The following BICC1 variants were observed in gnomAD, a reference collection of about 807,000 sequenced individuals.
BICC1 encodes the protein BicC family RNA binding protein 1, also known as protein bicaudal C homolog 1.
Under a neutral mutation model 111.0 loss-of-function variants are expected in BICC1, and 43 were observed. The observed-to-expected ratio is 0.39, with a 90% confidence interval of 0.30 to 0.50. BICC1 has a LOEUF of 0.50. Ranked by LOEUF, BICC1 falls within the 20% of genes least tolerant of loss-of-function variation. The probability of loss-of-function intolerance (pLI) is 0.88; values close to 1 mark genes in which losing one functional copy is unlikely to be tolerated. For missense variants in BICC1, 1,091 were observed against 1,203.2 expected, an observed-to-expected ratio of 0.91 and a Z score of 1.38; for synonymous variants, 467 against 434.4, an observed-to-expected ratio of 1.07 and a Z score of -0.93.
chr10:58,616,555 A>G (rs1030392906), intron 1 of BICC1, among the ~76,000 whole-genome samples: 1 of 152,084 alleles, frequency 6.6e-6, no homozygotes, highest in Non-Finnish European at 1.5e-5. Context: ...GGAACACCAG[A>G]TGACTGGAGG....
chr10:58,525,817 G>C (rs1462054566), intron 1 of BICC1, among the ~76,000 whole-genome samples: 1 of 151,924 alleles, frequency 6.6e-6, no homozygotes, highest in Admixed American at 6.6e-5. Flanking sequence ...TTGAATTAGA[G>C]TTTATGTAGT....
At chr10:58,715,661 A>T in intron 3 of BICC1, 1 of 1,601,398 alleles carries the variant, frequency 6.2e-7, no homozygotes, top group Non-Finnish European at 8.5e-7. Flanking sequence ...ATCTGAATTG[A>T]CCAAGGCCTA....
At chr10:58,669,563 A>G (rs1839119056) in intron 2 of BICC1, among the ~76,000 whole-genome samples, 1 of 152,090 alleles carries the variant, frequency 6.6e-6, no homozygotes, top group African/African-American at 2.4e-5. Context: ...ATTGTATTTG[A>G]TAGTGGAAAT....
At chr10:58,526,698 G>A (rs548734071) in intron 1 of BICC1, among the ~76,000 whole-genome samples, 1 of 152,136 alleles carries the variant, frequency 6.6e-6, no homozygotes, top group Non-Finnish European at 1.5e-5. Context: ...CTGTCCTTGC[G>A]ATAGTTTGCT....
intron 15 of BICC1, among the ~76,000 whole-genome samples, chr10:58,804,771 T>C (rs1843659313): frequency 6.6e-6 from 1 of 152,110 alleles, no homozygotes; most frequent in African/African-American, 2.4e-5. Flanking sequence ...ACTCGATGTA[T>C]TTATGTTGTT....
intron 2 of BICC1, among the ~76,000 whole-genome samples, chr10:58,696,364 A>G (rs1204920425): frequency 1.3e-5 from 2 of 152,116 alleles, no homozygotes; most frequent in Non-Finnish European, 2.9e-5. Context: ...TACATCAACA[A>G]TCTTAATTTT....
At chr10:58,738,406 G>A (rs570191548) in intron 3 of BICC1, among the ~76,000 whole-genome samples, 57 of 152,084 alleles carry the variant, frequency 3.7e-4, no homozygotes, top group African/African-American at 1.1e-3. Flanking sequence ...GTAGATATGC[G>A]GCATTGTTTC....
intron 12 of BICC1, 85 bp from the exon 13 acceptor site, chr10:58,800,109 C>T: frequency 2.8e-6 from 3 of 1,067,514 alleles, no homozygotes; most frequent in Non-Finnish European, 1.3e-6. Context: ...TTTTTCGTGG[C>T]TGTTATAAAT....
At chr10:58,560,157 A>G (rs1389592460) in intron 1 of BICC1, among the ~76,000 whole-genome samples, 1 of 151,798 alleles carries the variant, frequency 6.6e-6, no homozygotes, top group Non-Finnish European at 1.5e-5. Context: ...GTTTTTTTAT[A>G]AGTTTGGTAG....
At chr10:58,641,900 T>G (rs1838134380) in intron 2 of BICC1, among the ~76,000 whole-genome samples, 1 of 152,210 alleles carries the variant, frequency 6.6e-6, no homozygotes. Flanking sequence ...GGAATGTGAA[T>G]CACAGCAGTA....
At chr10:58,730,196 C>CA (rs1162709624) in intron 3 of BICC1, among the ~76,000 whole-genome samples, 1 of 151,952 alleles carries the variant, frequency 6.6e-6, no homozygotes, top group African/African-American at 2.4e-5. Context: ...TAGAAAACAG[C>CA]AAAAAAGGGG....
intron 20 of BICC1, among the ~76,000 whole-genome samples, chr10:58,828,285 T>C (rs1485384113): frequency 1.3e-5 from 2 of 152,178 alleles, no homozygotes; most frequent in Admixed American, 6.5e-5. Flanking sequence ...TATCTGACTT[T>C]AATAAAACTA....
chr10:58,699,503 A>G (rs927309744), intron 2 of BICC1, among the ~76,000 whole-genome samples: 7 of 152,232 alleles, frequency 4.6e-5, no homozygotes, highest in African/African-American at 1.7e-4. Context: ...TTAAGATTTC[A>G]GAAAGTTAGG....
chr10:58,765,461 C>G (rs1429054622), intron 3 of BICC1, among the ~76,000 whole-genome samples: 2 of 152,160 alleles, frequency 1.3e-5, no homozygotes, highest in African/African-American at 4.8e-5. Context: ...ATTCATTCAT[C>G]TATCAAACAT....
intron 12 of BICC1, among the ~76,000 whole-genome samples, chr10:58,799,853 G>A (rs1192558817): frequency 6.6e-6 from 1 of 152,000 alleles, no homozygotes; most frequent in Admixed American, 6.6e-5. Flanking sequence ...AGTTCCATAT[G>A]AGTTTTAGAA....
chr10:58,694,153 A>C (rs1564558447), intron 2 of BICC1, among the ~76,000 whole-genome samples: 1 of 152,112 alleles, frequency 6.6e-6, no homozygotes, highest in Non-Finnish European at 1.5e-5. Flanking sequence ...TTGACTTCTG[A>C]TTCAGATTTC....
rs1010916994 is a variant in BICC1 at position 58,830,166 on chromosome 10, C to A, written c.*1275C>A. The A allele has an allele frequency of 6.6e-6, 1 of 151,924 alleles. No individual in the cohort carries two copies. Among genetic ancestry groups the A allele is most frequent in the South Asian group, 2.1e-4 (1 of 4,820 alleles). 9.4% of individuals were successfully genotyped at this position (151,924 alleles called of 1,614,324 possible). ...GTTCTGAAGGAAAAAAAAAATATATCTTTTTAAGTGGCTAGAGTCATTATT... is the reference window on the plus strand; with the variant it reads ...GTTCTGAAGGAAAAAAAAAATATATATTTTTAAGTGGCTAGAGTCATTATT... On this transcript the variant is annotated 3_prime_UTR_variant, in exon 21 of 21. Transcript: ENST00000373886.
At chr10:58,593,339 T>C (rs1844697473) in intron 1 of BICC1, among the ~76,000 whole-genome samples, 1 of 152,170 alleles carries the variant, frequency 6.6e-6, no homozygotes, top group Admixed American at 6.5e-5. Flanking sequence ...TGTCCCTGCC[T>C]GACAGTTCTG....
At chr10:58,549,633 CT>C (rs545660213) in intron 1 of BICC1, among the ~76,000 whole-genome samples, 5 of 145,668 alleles carry the variant, frequency 3.4e-5, no homozygotes, top group South Asian at 2.2e-4. Context: ...TTTTTTGGCC[CT>C]TTTTTTTGTT....
Sources: gnomAD v4.1 joint callset for allele counts (sites outside exome capture counted in the v4.1 genomes callset) on GRCh38, gnomAD v4.1.1 for gene constraint, MANE v1.5 for transcripts, NCBI Gene and HGNC (gene_info 2026-07-23, HGNC 2026-07-21) for gene names.